CCDC170: variants seen among roughly 807,000 people sequenced by gnomAD.
CCDC170 encodes the protein coiled-coil domain containing 170.
A neutral mutation model predicts 72.6 loss-of-function variants in CCDC170; 69 were observed. That is an observed-to-expected ratio of 0.95 (90% confidence interval 0.78 to 1.16). The LOEUF (loss-of-function observed/expected upper bound fraction) is 1.16, where lower values mean the gene tolerates loss of function less well. CCDC170 is among the 50% of genes most tolerant of loss of function. The probability of loss-of-function intolerance (pLI) is 0.00; values close to 1 mark genes in which losing one functional copy is unlikely to be tolerated. For synonymous variants in CCDC170, 300 were observed against 303.9 expected (o/e 0.99, Z 0.13); for missense variants, 852 against 832.5 (o/e 1.02, Z -0.29).
chr6:151,510,650 A>G (rs1222571057), intron 1 of CCDC170, among the ~76,000 whole-genome samples: 1 of 152,254 alleles, frequency 6.6e-6, no homozygotes, highest in Non-Finnish European at 1.5e-5. Context: ...GACACTCATA[A>G]CAAGATACAG....
intron 9 of CCDC170, among the ~76,000 whole-genome samples, chr6:151,598,806 G>A (rs1055767108): frequency 2.6e-5 from 4 of 152,184 alleles, no homozygotes; most frequent in Non-Finnish European, 5.9e-5. Flanking sequence ...TTGGGGTGAC[G>A]GTAGTGGGGA....
At chr6:151,530,965 T>A (rs1170492043) in intron 1 of CCDC170, among the ~76,000 whole-genome samples, 1 of 152,176 alleles carries the variant, frequency 6.6e-6, no homozygotes, top group Non-Finnish European at 1.5e-5. Flanking sequence ...TGATTCTTTG[T>A]ATTATTTCTG....
chr6:151,551,526 C>T (rs1338050883), intron 5 of CCDC170, among the ~76,000 whole-genome samples: 1 of 152,242 alleles, frequency 6.6e-6, no homozygotes, highest in Non-Finnish European at 1.5e-5. Context: ...GCTGTGGCTT[C>T]TGTCTTAAAT....
intron 7 of CCDC170, among the ~76,000 whole-genome samples, chr6:151,587,892 G>A (rs764294689): frequency 4.5e-4 from 68 of 152,168 alleles, no homozygotes; most frequent in Non-Finnish European, 8.7e-4. Flanking sequence ...GAAGAGGGGA[G>A]CATTAAAGAA....
intron 1 of CCDC170, among the ~76,000 whole-genome samples, chr6:151,507,812 T>G (rs189970307): frequency 6.6e-6 from 1 of 151,730 alleles, no homozygotes; most frequent in Admixed American, 6.6e-5. Flanking sequence ...TCCCAGCTAC[T>G]CGGGAGGCTG....
chr6:151,546,153 G>C (rs941422638), intron 4 of CCDC170, among the ~76,000 whole-genome samples: 5 of 152,090 alleles, frequency 3.3e-5, no homozygotes, highest in Non-Finnish European at 7.4e-5. Context: ...TCTGAAAGCC[G>C]CAAGATGACT....
intron 1 of CCDC170, among the ~76,000 whole-genome samples, chr6:151,520,011 G>A (rs1336147919): frequency 1.3e-5 from 2 of 152,250 alleles, no homozygotes; most frequent in Admixed American, 6.5e-5. Flanking sequence ...ATCTCATCCT[G>A]TGATAAAGAA....
At chr6:151,607,673 A>G (rs1000788291) in intron 9 of CCDC170, among the ~76,000 whole-genome samples, 3 of 151,714 alleles carry the variant, frequency 2.0e-5, no homozygotes, top group African/African-American at 7.3e-5. Flanking sequence ...ATTCTCTCCT[A>G]ACCTGTAAGG....
chr6:151,542,782 G>C (rs922306314), intron 3 of CCDC170, among the ~76,000 whole-genome samples: 2 of 152,200 alleles, frequency 1.3e-5, no homozygotes, highest in Non-Finnish European at 2.9e-5. Context: ...GAATGGAGAA[G>C]AAAGATTGAA....
At chr6:151,588,303 T>C (rs1428248573) in intron 7 of CCDC170, among the ~76,000 whole-genome samples, 2 of 27,416 alleles carry the variant, frequency 7.3e-5, no homozygotes, top group African/African-American at 3.4e-4. Context: ...GCTGATAAGC[T>C]AAAACAAACA....
intron 9 of CCDC170, among the ~76,000 whole-genome samples, chr6:151,613,106 A>T (rs1442037418): frequency 6.6e-6 from 1 of 152,196 alleles, no homozygotes; most frequent in Non-Finnish European, 1.5e-5. Context: ...ATACCATAAA[A>T]TTCACTTTTT....
At chr6:151,572,662 T>TGTTTTTTTTG (rs56158135) in intron 5 of CCDC170, among the ~76,000 whole-genome samples, 3 of 137,448 alleles carry the variant, frequency 2.2e-5, no homozygotes, top group South Asian at 2.4e-4. Context: ...TTTTTTTTTT[T>TGTTTTTTTTG]TTTTTTTGAT....
intron 5 of CCDC170, among the ~76,000 whole-genome samples, chr6:151,551,312 A>T (rs992442477): frequency 6.6e-6 from 1 of 152,212 alleles, no homozygotes; most frequent in African/African-American, 2.4e-5. Flanking sequence ...CCTGAGAATA[A>T]GGACATTGCC....
intron 5 of CCDC170, among the ~76,000 whole-genome samples, chr6:151,552,351 A>T (rs1344176363): frequency 6.6e-6 from 1 of 151,990 alleles, no homozygotes. Context: ...CTATGGGGTG[A>T]TCATTATCAG....
chr6:151,594,456 A>G (rs930630445), intron 8 of CCDC170, among the ~76,000 whole-genome samples: 2 of 152,204 alleles, frequency 1.3e-5, no homozygotes, highest in African/African-American at 4.8e-5. Context: ...AATATTTTAT[A>G]AAAGATAGCA....
intron 6 of CCDC170, among the ~76,000 whole-genome samples, chr6:151,577,105 G>T (rs1461232613): frequency 2.0e-5 from 3 of 152,026 alleles, no homozygotes; most frequent in Admixed American, 6.6e-5. Flanking sequence ...CTTCTTTTTA[G>T]AAGCTTTACT....
intron 4 of CCDC170, among the ~76,000 whole-genome samples, chr6:151,547,332 T>C (rs1277201086): frequency 6.6e-6 from 1 of 152,062 alleles, no homozygotes; most frequent in Non-Finnish European, 1.5e-5. Flanking sequence ...AGTGAAGAAA[T>C]AACCAAATAA....
intron 6 of CCDC170, among the ~76,000 whole-genome samples, chr6:151,581,146 C>A (rs1391087922): frequency 6.6e-6 from 1 of 152,094 alleles, no homozygotes; most frequent in Non-Finnish European, 1.5e-5. Context: ...TAAAATAAGA[C>A]AACAACGTAG....
At chr6:151,605,705 T>C (rs148801576) in intron 9 of CCDC170, among the ~76,000 whole-genome samples, 48 of 152,228 alleles carry the variant, frequency 3.2e-4, no homozygotes, top group African/African-American at 1.1e-3. Context: ...GGGAGGGGCA[T>C]TGTGGCTATG....
Sources: gnomAD v4.1 joint callset for allele counts (sites outside exome capture counted in the v4.1 genomes callset) on GRCh38, gnomAD v4.1.1 for gene constraint, MANE v1.5 for transcripts, NCBI Gene and HGNC (gene_info 2026-07-23, HGNC 2026-07-21) for gene names.